PAK2: variants seen among roughly 807,000 people sequenced by gnomAD.
PAK2 encodes the protein p21 (RAC1) activated kinase 2.
A neutral mutation model predicts 65.9 loss-of-function variants in PAK2; 21 were observed. That is an observed-to-expected ratio of 0.32 (90% confidence interval 0.23 to 0.46). PAK2 has a LOEUF of 0.46. Among genes scored for constraint, PAK2 ranks in the 20% least tolerant of loss-of-function variants. The pLI is 1.00. For missense variants in PAK2, 324 were observed against 642.6 expected (o/e 0.50, Z 5.36); for synonymous variants, 204 against 219.7 (o/e 0.93, Z 0.63).
chr3:196,764,936 G>A (rs1309139629), intron 1 of PAK2, among the ~76,000 whole-genome samples: 2 of 146,692 alleles, frequency 1.4e-5, no homozygotes, highest in Non-Finnish European at 1.5e-5. Flanking sequence ...TCCGCCTCCC[G>A]GGTTCACGCC....
At chr3:196,811,093 G>T (rs1007654466) in intron 8 of PAK2, among the ~76,000 whole-genome samples, 5 of 151,812 alleles carry the variant, frequency 3.3e-5, no homozygotes, top group Admixed American at 6.6e-5. Flanking sequence ...TTGCTTGGAA[G>T]CAAATAAACA....
intron 12 of PAK2, among the ~76,000 whole-genome samples, chr3:196,818,553 G>T (rs1278173858): frequency 6.6e-6 from 1 of 152,112 alleles, no homozygotes; most frequent in Non-Finnish European, 1.5e-5. Flanking sequence ...TTTTAGTAAA[G>T]ACGGGGTTTC....
At chr3:196,795,156 G>A (rs972344034) in intron 2 of PAK2, among the ~76,000 whole-genome samples, 1 of 152,048 alleles carries the variant, frequency 6.6e-6, no homozygotes, top group Non-Finnish European at 1.5e-5. Flanking sequence ...TAATCAAATT[G>A]TTTAAAACCA....
intron 13 of PAK2, among the ~76,000 whole-genome samples, chr3:196,826,586 G>A (rs1711884573): frequency 6.6e-6 from 1 of 151,978 alleles, no homozygotes; most frequent in African/African-American, 2.4e-5. Context: ...GGTCAATGGT[G>A]AGGTTGTGGT....
rs1189006547 is a variant in PAK2, at chr3:196,761,941, G to A, written c.-21-20685G>A. ...CGGAGAGGCTCCTCACTTCTCAGAC[G>A]GGGCAGCTGCCGGGCGGAGGGGCTC... On this transcript the variant is annotated intron_variant, in intron 1 of 14. Coordinates refer to ENST00000327134, the MANE Select transcript of PAK2 (RefSeq NM_002577.4). 8.2e-5 allele frequency among the ~76,000 whole-genome samples: 11 copies of A among 134,074 alleles called. No individual in the cohort carries two copies. In the East Asian group the frequency reaches 1.6e-3, roughly 19 times the overall value. The allele number at this position is 134,074 out of a possible 152,430, so 88.0% of individuals were successfully genotyped here. A position where few individuals can be genotyped will look rare whatever the true frequency, so the allele number is the denominator to read the frequency against.
In PAK2 at chr3:196,745,395, A is replaced by G. The variant is rs1392973921; in HGVS notation, c.-22+5238A>G. The stretch of plus-strand genomic sequence containing the variant: ...TGCCTTGGCTTCCCGAAGTGTTGGG[A>G]TTACAGGCGTGAGCCACCGTGCCCA... On this transcript the variant is annotated intron_variant, in intron 1 of 14. Coordinates refer to ENST00000327134, the MANE Select transcript of PAK2 (RefSeq NM_002577.4). Among the ~76,000 whole-genome samples, 3 of 144,748 alleles carry G rather than the reference A, an allele frequency of 2.1e-5. No homozygotes were observed. In the Admixed American group the frequency reaches 2.2e-4, roughly 11 times the overall value. 95.0% of individuals were successfully genotyped at this position (144,748 alleles called of 152,430 possible).
At chr3:196,761,648 G>A (rs1288468621) in intron 1 of PAK2, among the ~76,000 whole-genome samples, 1 of 135,162 alleles carries the variant, frequency 7.4e-6, no homozygotes, top group Non-Finnish European at 1.6e-5. Context: ...TGTCATCCTG[G>A]CCCGTTCTCA....
chr3:196,745,658 C>G (rs1380011335), intron 1 of PAK2, among the ~76,000 whole-genome samples: 1 of 151,880 alleles, frequency 6.6e-6, no homozygotes, highest in African/African-American at 2.4e-5. Flanking sequence ...ACTGAAAACA[C>G]AAAAAATTAG....
chr3:196,750,193 T>C (rs772229311), intron 1 of PAK2, among the ~76,000 whole-genome samples: 2 of 152,000 alleles, frequency 1.3e-5, no homozygotes, highest in African/African-American at 2.4e-5. Context: ...TTTCACCATA[T>C]TGGCCAGGTT....
At chr3:196,749,552 T>C (rs1365395017) in intron 1 of PAK2, among the ~76,000 whole-genome samples, 5 of 152,214 alleles carry the variant, frequency 3.3e-5, no homozygotes, top group African/African-American at 9.6e-5. Context: ...TGAAAAAATG[T>C]CTATTCAAGT....
chr3:196,816,802 G>A (rs13094271), intron 11 of PAK2, among the ~76,000 whole-genome samples: 202 of 152,228 alleles, frequency 1.3e-3, no homozygotes, highest in Non-Finnish European at 2.3e-3. Context: ...ACGTCATCTC[G>A]TTCTCGTTTG....
intron 1 of PAK2, among the ~76,000 whole-genome samples, chr3:196,771,358 C>T (rs1388487060): frequency 2.0e-5 from 3 of 151,978 alleles, no homozygotes; most frequent in Admixed American, 6.6e-5. Flanking sequence ...AATATCACTA[C>T]GATGTGTCTA....
intron 10 of PAK2, among the ~76,000 whole-genome samples, chr3:196,813,613 T>C (rs987778954): frequency 6.6e-6 from 1 of 152,130 alleles, no homozygotes; most frequent in Non-Finnish European, 1.5e-5. Flanking sequence ...GAAAAAATAA[T>C]GTTTAGAGAC....
chr3:196,757,184 TAGGTC>T (rs962801266), intron 1 of PAK2, among the ~76,000 whole-genome samples: 1 of 152,126 alleles, frequency 6.6e-6, no homozygotes, highest in African/African-American at 2.4e-5. Flanking sequence ...CAAGGTGACT[TAGGTC>T]AGAGCAGGTG....
At chr3:196,808,042 C>T (rs893450847) in intron 7 of PAK2, 128 bp downstream of exon 7, 19 of 804,868 alleles carry the variant, frequency 2.4e-5, no homozygotes, top group Non-Finnish European at 3.4e-5. Flanking sequence ...TTCCTTATAG[C>T]AACAGTAGCT....
At chr3:196,779,661 TTTG>T (rs534671089) in intron 1 of PAK2, among the ~76,000 whole-genome samples, 107 of 152,182 alleles carry the variant, frequency 7.0e-4, no homozygotes, top group African/African-American at 1.9e-3. Flanking sequence ...GTGCCCTGTT[TTTG>T]TTGTTGTTGT....
chr3:196,777,478 A>G (rs866530692), intron 1 of PAK2, among the ~76,000 whole-genome samples: 1 of 152,234 alleles, frequency 6.6e-6, no homozygotes. Context: ...TGCTGAGATT[A>G]CAGGCGCGAG....
Position 196,832,408 on chromosome 3 carries a change from TACATTG to T in PAK2, c.*4009_*4014del, listed in dbSNP as rs1300115691. On this transcript the variant is annotated 3_prime_UTR_variant, in exon 15 of 15. Coordinates refer to ENST00000327134, the MANE Select transcript of PAK2 (RefSeq NM_002577.4). The stretch of plus-strand genomic sequence containing the variant: ...ATCCCGTTCAATTATTTAATTGTTA[TACATTG>T]ACATTAACTGCTGTATTTTGACTTT... The T allele has an allele frequency of 6.6e-6, 1 of 152,250 alleles. No homozygotes were observed. The highest frequency in any genetic ancestry group is 1.9e-4 in the East Asian group (1 of 5,206). The allele number at this position is 152,250 out of a possible 1,614,324, so 9.4% of individuals were successfully genotyped here.
chr3:196,787,874 G>A (rs1375624175), intron 2 of PAK2, among the ~76,000 whole-genome samples: 2 of 152,150 alleles, frequency 1.3e-5, no homozygotes, highest in African/African-American at 4.8e-5. Context: ...CCCAGCTTTC[G>A]GCATTAGGAA....
Sources: allele counts gnomAD v4.1 joint callset (sites outside exome capture counted in the v4.1 genomes callset), GRCh38; gene constraint gnomAD v4.1.1; transcripts MANE v1.5; gene names NCBI Gene and HGNC (gene_info 2026-07-23, HGNC 2026-07-21).